ADNP2: variants seen among roughly 807,000 people sequenced by gnomAD.
ADNP2 encodes the protein activity-dependent neuroprotector homeobox protein 2.
Under a neutral mutation model 16.4 loss-of-function variants are expected in ADNP2, and 8 were observed. The observed-to-expected ratio is 0.49, with a 90% CI of 0.29 to 0.88. ADNP2 has a LOEUF of 0.88. Ranked by LOEUF, ADNP2 falls within the 40% of genes least tolerant of loss-of-function variation. The pLI, the probability that ADNP2 is intolerant of heterozygous loss-of-function variation, is 0.09. For synonymous variants in ADNP2, 637 were observed against 545.8 expected, an observed-to-expected ratio of 1.17 and a Z score of -2.33; for missense variants, 1,397 against 1,395.1, an observed-to-expected ratio of 1.00 and a Z score of -0.02.
At chr18:80,128,343 T>G (rs748137521) in intron 2 of ADNP2, among the ~76,000 whole-genome samples, 2 of 152,220 alleles carry the variant, frequency 1.3e-5, no homozygotes, top group Admixed American at 1.3e-4. Context: ...ATAACCTAAT[T>G]TTCAGTAGAA....
intron 3 of ADNP2, among the ~76,000 whole-genome samples, chr18:80,134,982 G>A (rs2052522629): frequency 6.6e-6 from 1 of 152,168 alleles, no homozygotes; most frequent in African/African-American, 2.4e-5. Context: ...AAATTCCAGA[G>A]GTTTTAGAAT....
chr18:80,134,389 GT>G (rs2145212200), intron 3 of ADNP2, among the ~76,000 whole-genome samples: 1 of 71,876 alleles, frequency 1.4e-5, no homozygotes, highest in South Asian at 3.7e-4. Flanking sequence ...ATGGAAGAGT[GT>G]GTGTGTGTGT....
chr18:80,112,934 GAGA>G (rs746442548), intron 1 of ADNP2, among the ~76,000 whole-genome samples: 4 of 152,202 alleles, frequency 2.6e-5, no homozygotes, highest in Non-Finnish European at 4.4e-5. Context: ...CCAGCTTTTG[GAGA>G]AGAACCCCAG....
Position 80,137,097 on chromosome 18 carries a change from C to A in ADNP2, c.1684C>A (p.Pro562Thr), listed in dbSNP as rs778717437. 5 of 1,614,198 alleles carry A rather than the reference C, an allele frequency of 3.1e-6. No homozygotes were observed. In the South Asian group the frequency reaches 5.5e-5, roughly 18 times the overall value. ...TCTTCCTGTGGGCCAGCCAGTGAGG[C>A]CTGGGGTCTTGCAACTCAACCAGAC... is the stretch of plus-strand genomic sequence containing the variant. ...GVLPVGQPVR[P>T]GVLQLNQTVG... The change falls in exon 4 of 4, where the codon CCT becomes ACT. Residue 562 changes from proline to threonine, a missense_variant. Pro to Thr is a conservative substitution (Grantham distance 38). Transcript: ENST00000262198. This position sits in a 1 kb window ranked among gnomAD's most constrained non-coding sequence, Gnocchi z 4.2.
intron 2 of ADNP2, among the ~76,000 whole-genome samples, chr18:80,126,845 T>C (rs145728942): frequency 2.0e-5 from 3 of 152,344 alleles, no homozygotes; most frequent in African/African-American, 7.2e-5. Flanking sequence ...TTCCCCCGTA[T>C]CCTCAGTTTT....
intron 2 of ADNP2, among the ~76,000 whole-genome samples, chr18:80,125,289 G>A (rs1468853187): frequency 6.6e-6 from 1 of 152,172 alleles, no homozygotes; most frequent in African/African-American, 2.4e-5. Context: ...TGAAGTGGGA[G>A]TATTGCTTGA....
At chr18:80,111,291 T>A (rs1216052646) in intron 1 of ADNP2, among the ~76,000 whole-genome samples, 1 of 152,240 alleles carries the variant, frequency 6.6e-6, no homozygotes, top group Non-Finnish European at 1.5e-5. Context: ...TCAGTGCTTA[T>A]GTGCTGTTTT....
intron 1 of ADNP2, among the ~76,000 whole-genome samples, chr18:80,114,685 G>A (rs2052378271): frequency 6.6e-6 from 1 of 152,098 alleles, no homozygotes; most frequent in African/African-American, 2.4e-5. Flanking sequence ...ACTTACTGGA[G>A]TAAGACATTT....
chr18:80,114,218 C>A (rs940187839), intron 1 of ADNP2, among the ~76,000 whole-genome samples: 1 of 150,936 alleles, frequency 6.6e-6, no homozygotes, highest in Non-Finnish European at 1.5e-5. Context: ...AAAAAAAGAT[C>A]TTGAGAGGTA....
intron 3 of ADNP2, among the ~76,000 whole-genome samples, chr18:80,134,197 T>C (rs1424389249): frequency 6.6e-6 from 1 of 152,048 alleles, no homozygotes; most frequent in Admixed American, 6.6e-5. Flanking sequence ...GCAAGCCCCA[T>C]TGATTTTTCT....
intron 2 of ADNP2, among the ~76,000 whole-genome samples, chr18:80,120,092 A>G (rs2052414734): frequency 6.6e-6 from 1 of 152,234 alleles, no homozygotes; most frequent in African/African-American, 2.4e-5. Flanking sequence ...AGAGAGCAGT[A>G]TCAGACCTGG....
intron 2 of ADNP2, among the ~76,000 whole-genome samples, chr18:80,120,334 C>CTTTT (rs71163859): frequency 9.8e-5 from 14 of 143,042 alleles, no homozygotes; most frequent in African/African-American, 3.6e-4. Flanking sequence ...ATATTCTTTT[C>CTTTT]TTTTTTTTTT....
intron 2 of ADNP2, among the ~76,000 whole-genome samples, chr18:80,120,581 C>T (rs578142157): frequency 6.6e-6 from 1 of 152,172 alleles, no homozygotes; most frequent in East Asian, 1.9e-4. Flanking sequence ...AAGCGATCCA[C>T]TTACCTTGGC....
intron 2 of ADNP2, among the ~76,000 whole-genome samples, chr18:80,129,601 T>G (rs1427356993): frequency 2.0e-5 from 3 of 152,186 alleles, no homozygotes; most frequent in Non-Finnish European, 1.5e-5. Flanking sequence ...CCCCTGAGCT[T>G]CTTTTAAATG....
rs758258573 is a variant in ADNP2, at chr18:80,138,816, C to A, written c.*7C>A. ...CTTTGAATATGAACCATAAAACTTG[C>A]AAAAAAAAAAAAAAGTAACTCTAAA... On this transcript the variant is annotated 3_prime_UTR_variant, in exon 4 of 4. Coordinates refer to ENST00000262198, the MANE Select transcript of ADNP2 (RefSeq NM_014913.4). 4.6e-3 allele frequency: 5,667 copies of A among 1,224,676 alleles called. 2 individuals carry two copies. The highest frequency in any genetic ancestry group is 0.021 in the South Asian group (1,184 of 56,568). 75.9% of individuals were successfully genotyped at this position (1,224,676 alleles called of 1,614,324 possible).
rs762803282 is a variant in ADNP2 at position 80,137,373 on chromosome 18, G to A, written c.1960G>A (p.Gly654Ser). ...LPSGAAAPMAGSMPGMPSPPV... is the reference protein window; with the variant it reads ...LPSGAAAPMASSMPGMPSPPV... ...GTCAGGTGCAGCTGCACCAATGGCC[G>A]GTTCCATGCCCGGCATGCCCTCTCC... Residue 654 changes from glycine (G) to serine (S), a missense_variant, in exon 4 of 4, where the codon GGT becomes AGT. Physicochemically the swap from Gly to Ser is moderately conservative, Grantham distance 56. Coordinates refer to ENST00000262198, the MANE Select transcript of ADNP2 (RefSeq NM_014913.4). This position sits in a 1 kb window ranked among gnomAD's most constrained non-coding sequence, Gnocchi z 4.2. 9.4e-5 allele frequency: 152 copies of A among 1,614,074 alleles called. No individual in the cohort carries two copies. Among genetic ancestry groups the A allele is most frequent in the East Asian group, 8.0e-4 (36 of 44,890 alleles).
At chr18:80,125,940 G>A (rs1256793417) in intron 2 of ADNP2, among the ~76,000 whole-genome samples, 1 of 152,208 alleles carries the variant, frequency 6.6e-6, no homozygotes, top group Admixed American at 6.5e-5. Context: ...TCTACAGGCA[G>A]CAAAGCCTAA....
intron 3 of ADNP2, among the ~76,000 whole-genome samples, chr18:80,135,199 G>A (rs953924706): frequency 2.0e-5 from 3 of 152,182 alleles, no homozygotes; most frequent in African/African-American, 7.2e-5. Context: ...TCCTATATTT[G>A]TATGAATTAG....
intron 2 of ADNP2, among the ~76,000 whole-genome samples, chr18:80,127,339 G>GTT (rs35560770): frequency 0.036 from 3,724 of 102,148 alleles, 127 homozygotes; most frequent in African/African-American, 0.051. Context: ...GGTTTTTTCA[G>GTT]TTTTTTTTTT....
Sources: allele counts gnomAD v4.1 joint callset (sites outside exome capture counted in the v4.1 genomes callset), GRCh38; gene constraint gnomAD v4.1.1; non-coding constraint Gnocchi (gnomAD v3.1); transcripts MANE v1.5; gene names NCBI Gene and HGNC (gene_info 2026-07-23, HGNC 2026-07-21).